Variants in ITGA8 observed in about 807,000 individuals in gnomAD.
ITGA8 encodes integrin alpha-8.
Under a neutral mutation model 142.3 loss-of-function variants are expected in ITGA8, and 91 were observed. The ratio of observed to expected loss-of-function variants is 0.64; its 90% CI spans 0.54 to 0.76. The LOEUF (loss-of-function observed/expected upper bound fraction) is 0.76. ITGA8 is among the 30% of genes least tolerant of loss of function. The pLI is 0.00. For synonymous variants in ITGA8, 505 were observed against 485.2 expected, an observed-to-expected ratio of 1.04 and a Z score of -0.54; for missense variants, 1,406 against 1,327.7, an observed-to-expected ratio of 1.06 and a Z score of -0.92.
chr10:15,573,412 A>G (rs531243623), intron 24 of ITGA8, among the ~76,000 whole-genome samples: 1 of 134,748 alleles, frequency 7.4e-6, no homozygotes, highest in African/African-American at 2.5e-5. Flanking sequence ...ATTATTTGAC[A>G]GCTTTTTTTT....
intron 2 of ITGA8, among the ~76,000 whole-genome samples, chr10:15,717,467 C>T (rs573611642): frequency 6.6e-6 from 1 of 152,094 alleles, no homozygotes; most frequent in Non-Finnish European, 1.5e-5. Context: ...TGTCTCAAGT[C>T]TTGATAAAAT....
In ITGA8 at chr10:15,548,409, A is replaced by G. The variant is rs9333226; in HGVS notation, c.2880+46T>C. 15,169 of 1,302,704 alleles carry G rather than the reference A, an allele frequency of 0.012. 1,295 individuals are homozygous for G. In the African/African-American group the frequency reaches 0.19, roughly 17 times the overall value. 80.7% of individuals were successfully genotyped at this position (1,302,704 alleles called of 1,614,324 possible). A position where few individuals can be genotyped will look rare whatever the true frequency, so the allele number is the denominator to read the frequency against. On this transcript the variant is annotated intron_variant, in intron 27 of 29. Coordinates refer to ENST00000378076, the MANE Select transcript of ITGA8 (RefSeq NM_003638.3). The stretch of plus-strand genomic sequence containing the variant: ...ACTTCCCACTGAGCTTTTGTGAAGC[A>G]GCTCCCAGTGAGCAGTGTGTATGTG...
At chr10:15,710,756 G>A (rs1028890915) in intron 2 of ITGA8, among the ~76,000 whole-genome samples, 1 of 152,172 alleles carries the variant, frequency 6.6e-6, no homozygotes, top group African/African-American at 2.4e-5. Flanking sequence ...GAGACAACTG[G>A]AATAGAACTA....
intron 28 of ITGA8, among the ~76,000 whole-genome samples, chr10:15,527,117 G>A (rs7893176): frequency 0.87 from 132,613 of 152,146 alleles, 59,919 homozygotes; most frequent in Non-Finnish European, 1. Context: ...CCCTACCTAC[G>A]GTGCCATTTA....
chr10:15,702,290 A>G (rs547706159), intron 2 of ITGA8, among the ~76,000 whole-genome samples: 251 of 151,680 alleles, frequency 1.7e-3, no homozygotes, highest in African/African-American at 5.9e-3. Context: ...TCCACACCTG[A>G]AGATTTTTTT....
chr10:15,702,524 C>T (rs918631336), intron 2 of ITGA8, among the ~76,000 whole-genome samples: 2 of 152,144 alleles, frequency 1.3e-5, no homozygotes, highest in Non-Finnish European at 2.9e-5. Flanking sequence ...CTCCTGACCT[C>T]AGGTGATTCA....
In ITGA8 at chr10:15,644,476, ATATATATATATATATAGAAT is replaced by A. The variant is rs1431733244; in HGVS notation, c.1208-275_1208-256del. Among the ~76,000 whole-genome samples the A allele has an allele frequency of 3.9e-3, 56 of 14,364 alleles. 1 individual carries two copies. The highest frequency in any genetic ancestry group is 0.016 in the East Asian group (4 of 246). The allele number at this position is 14,364 out of a possible 152,430, so 9.4% of individuals were successfully genotyped here. ...TATATATATATATATATATATATATATATATATATATATATAGAATTTTTTTTTTTTTTTGAGCAATGGGT... is the reference window on the plus strand; with the variant it reads ...TATATATATATATATATATATATATATTTTTTTTTTTTTTGAGCAATGGGT... On this transcript the variant is annotated intron_variant, in intron 12 of 29. Transcript: ENST00000378076.
chr10:15,714,659 G>C (rs921086062), intron 2 of ITGA8, among the ~76,000 whole-genome samples: 1 of 152,000 alleles, frequency 6.6e-6, no homozygotes, highest in Non-Finnish European at 1.5e-5. Context: ...AGAAAATCAA[G>C]TTATATGATA....
intron 28 of ITGA8, among the ~76,000 whole-genome samples, chr10:15,529,478 AC>A (rs1329966381): frequency 6.6e-6 from 1 of 151,954 alleles, no homozygotes; most frequent in Non-Finnish European, 1.5e-5. Flanking sequence ...TATCTTGAAA[AC>A]CTTGGATTTT....
chr10:15,652,241 A>G (rs549811795), intron 11 of ITGA8, among the ~76,000 whole-genome samples: 76 of 152,318 alleles, frequency 5.0e-4, no homozygotes, highest in African/African-American at 1.7e-3. Flanking sequence ...GCTATAGACT[A>G]GAATGCGCAT....
At chr10:15,578,785 A>G (rs1266857219) in intron 23 of ITGA8, among the ~76,000 whole-genome samples, 1 of 152,038 alleles carries the variant, frequency 6.6e-6, no homozygotes, top group African/African-American at 2.4e-5. Context: ...AAAATCTGCA[A>G]TCTTACCACT....
chr10:15,615,457 C>A (rs984746922), intron 14 of ITGA8, among the ~76,000 whole-genome samples: 1 of 152,136 alleles, frequency 6.6e-6, no homozygotes, highest in African/African-American at 2.4e-5. Context: ...ATGCCCTCGG[C>A]CTTTTGTCTT....
chr10:15,711,458 C>T (rs1835362483), intron 2 of ITGA8, among the ~76,000 whole-genome samples: 1 of 152,048 alleles, frequency 6.6e-6, no homozygotes, highest in Non-Finnish European at 1.5e-5. Context: ...CTTGCCTTCT[C>T]CATAAAGGTT....
At chr10:15,570,610 C>CAAAAAAAAAAAAAAAAAAAAAAAAAAAAA in intron 25 of ITGA8, among the ~76,000 whole-genome samples, 1 of 40,040 alleles carries the variant, frequency 2.5e-5, no homozygotes, top group Non-Finnish European at 5.0e-5. Context: ...AACTCCATCT[C>CAAAAAAAAAAAAAAAAAAAAAAAAAAAAA]AAAAAAAAAA....
At position 15,547,251 on chromosome 10, in the gene ITGA8, G is replaced by A. The variant is rs1471144009; in HGVS notation, c.2880+1204C>T. Among the ~76,000 whole-genome samples, 2 of 152,122 alleles carry A rather than the reference G, an allele frequency of 1.3e-5. 1 individual carries two copies. Among genetic ancestry groups the A allele is most frequent in the Admixed American group, 1.3e-4 (2 of 15,258 alleles). On this transcript the variant is annotated intron_variant, in intron 27 of 29. Coordinates refer to ENST00000378076, the MANE Select transcript of ITGA8 (RefSeq NM_003638.3). The stretch of plus-strand genomic sequence containing the variant: ...CCAAAATGAAACTCTCATTTTCTTA[G>A]CATAAAAGAGATTTTAAACTTTTAA...
intron 20 of ITGA8, among the ~76,000 whole-genome samples, chr10:15,600,611 G>T (rs1018371234): frequency 2.0e-5 from 3 of 152,164 alleles, no homozygotes; most frequent in African/African-American, 7.2e-5. Flanking sequence ...ATTATCTGAC[G>T]GATTTGGATC....
chr10:15,567,845 C>T lies in ITGA8; in HGVS notation c.2637+4366G>A, dbSNP rs145645116. The stretch of plus-strand genomic sequence containing the variant: ...CCTTGATTCCACCTTCCCTCACGCC[C>T]TAAGGGTTGAAAGTGTCAACAAACC... On this transcript the variant is annotated intron_variant, in intron 25 of 29. Coordinates refer to ENST00000378076, the MANE Select transcript of ITGA8 (RefSeq NM_003638.3). 7.9e-5 allele frequency among the ~76,000 whole-genome samples: 12 copies of T among 152,254 alleles called. No homozygotes were observed. The East Asian group carries it at 2.3e-3, about 29-fold the overall frequency.
In ITGA8 at chr10:15,635,186, T is replaced by C. The variant is rs190957827; in HGVS notation, c.1399+8844A>G. On this transcript the variant is annotated intron_variant, in intron 13 of 29. Transcript: ENST00000378076. ...CATGCCCAGCTAATTTTTGTATTTT[T>C]AGTAGAGACAGGGTTTCACCATGTT... Among the ~76,000 whole-genome samples the C allele has an allele frequency of 1.9e-3, 284 of 152,064 alleles. 2 individuals are homozygous for C. The highest frequency in any genetic ancestry group is 6.6e-3 in the African/African-American group (275 of 41,510).
At chr10:15,551,163 A>G (rs2131560416) in intron 26 of ITGA8, among the ~76,000 whole-genome samples, 1 of 152,106 alleles carries the variant, frequency 6.6e-6, no homozygotes, top group Middle Eastern at 3.4e-3. Flanking sequence ...CACCCAGATC[A>G]TGCCTTTAAG....
Sources: allele counts gnomAD v4.1 joint callset (sites outside exome capture counted in the v4.1 genomes callset), GRCh38; gene constraint gnomAD v4.1.1; transcripts MANE v1.5; gene names NCBI Gene and HGNC (gene_info 2026-07-23, HGNC 2026-07-21).